GCN1: variants seen among roughly 807,000 people sequenced by gnomAD.
GCN1 encodes the protein GCN1 activator of EIF2AK4.
A neutral mutation model predicts 288.4 loss-of-function variants in GCN1; 90 were observed. The observed-to-expected ratio is 0.31, with a 90% CI of 0.26 to 0.37. The LOEUF (loss-of-function observed/expected upper bound fraction) is 0.37, where lower values mean the gene tolerates loss of function less well. Ranked by LOEUF, GCN1 falls within the 10% of genes least tolerant of loss-of-function variation. The pLI is 1.00. For synonymous variants in GCN1, 1,386 were observed against 1,420.2 expected (o/e 0.98, Z 0.54); for missense variants, 2,586 against 3,419.9 (o/e 0.76, Z 6.08).
rs1877167823 is a variant in GCN1 at position 120,140,867 on chromosome 12, G to A, written c.5986C>T (p.Arg1996Trp). Residue 1996 changes from arginine (R) to tryptophan (W), a missense_variant, in exon 45 of 58, where the codon CGG (arginine) becomes TGG (tryptophan). Arg to Trp is a moderately radical substitution (Grantham distance 101, BLOSUM62 -3). This residue lies in a region of GCN1 where 437 missense variants were observed against 570.5 expected (regional missense o/e 0.77). Transcript: ENST00000300648. ...GLSEIMKSTS[R>W]DAVLYFSESL... ...CCTTGGAAGATACTCACGGCATCCC[G>A]GCTGGTGGACTTCATGATCTCACTT... is the stretch of plus-strand genomic sequence containing the variant. The A allele has an allele frequency of 1.9e-6, 3 of 1,613,452 alleles. No individual in the cohort carries two copies. Among genetic ancestry groups the A allele is most frequent in the Non-Finnish European group, 2.5e-6 (3 of 1,179,730 alleles).
Position 120,193,820 on chromosome 12 carries a change from T to A in GCN1, c.18+860A>T, listed in dbSNP as rs544702197. On this transcript the variant is annotated intron_variant, in intron 1 of 57. Coordinates refer to ENST00000300648, the MANE Select transcript of GCN1 (RefSeq NM_006836.2). ...CCACCTGCATAGGAGTCTCAGTAAA[T>A]GTCTTTTTGAATGCTTAAGTGGTCA... Among the ~76,000 whole-genome samples, 7 of 152,296 alleles carry A rather than the reference T, an allele frequency of 4.6e-5. No individual in the cohort carries two copies. The South Asian group carries it at 1.5e-3, about 32-fold the overall frequency.
Position 120,127,805 on chromosome 12 carries a change from G to C in GCN1, c.*44C>G, listed in dbSNP as rs746965703. The C allele has an allele frequency of 5.6e-6, 9 of 1,594,182 alleles. No homozygotes were observed. In the Admixed American group the frequency reaches 1.2e-4, roughly 22 times the overall value. Reference sequence around the variant, plus strand: ...ATGTATTTTCAAAAATGAAAACATTGAGCAAAGATGTGGAGCGGCAATGCT... The same window carrying C: ...ATGTATTTTCAAAAATGAAAACATTCAGCAAAGATGTGGAGCGGCAATGCT... On this transcript the variant is annotated 3_prime_UTR_variant, in exon 58 of 58. Coordinates refer to ENST00000300648, the MANE Select transcript of GCN1 (RefSeq NM_006836.2).
At chr12:120,173,258 T>C (rs1026953409) in intron 14 of GCN1, among the ~76,000 whole-genome samples, 3 of 151,652 alleles carry the variant, frequency 2.0e-5, no homozygotes, top group African/African-American at 4.8e-5. Context: ...GGTTTCGCCA[T>C]GTTGGTCTTG....
At chr12:120,149,752 T>C in intron 35 of GCN1, 32 bp from the exon 36 acceptor site, 1 of 1,581,058 alleles carries the variant, frequency 6.3e-7, no homozygotes, top group Non-Finnish European at 8.7e-7. Context: ...TTCAGGGGCC[T>C]CCTCACCCAA....
At chr12:120,145,918 A>G (rs1315250684) in intron 38 of GCN1, among the ~76,000 whole-genome samples, 1 of 152,210 alleles carries the variant, frequency 6.6e-6, no homozygotes. Flanking sequence ...ACTTGTTATA[A>G]CTTGGGAATA....
At chr12:120,168,093 C>T in intron 16 of GCN1, 115 bp downstream of exon 16, 1 of 732,908 alleles carries the variant, frequency 1.4e-6, no homozygotes, top group Non-Finnish European at 2.5e-6. Flanking sequence ...GGCCAGATCA[C>T]TCTGGCCCAG....
chr12:120,189,511 C>T (rs1268883097), intron 2 of GCN1, among the ~76,000 whole-genome samples: 2 of 151,128 alleles, frequency 1.3e-5, no homozygotes, highest in East Asian at 2.0e-4. Flanking sequence ...TACAGGTGCA[C>T]ACCACCACAC....
intron 56 of GCN1, 110 bp from the exon 57 acceptor site, chr12:120,129,604 C>A (rs985660963): frequency 2.2e-5 from 17 of 776,104 alleles, no homozygotes; most frequent in Middle Eastern, 2.9e-4. Context: ...ACTGACCCCC[C>A]CTGCTCCTGT....
Position 120,168,239 on chromosome 12 carries a change from A to C in GCN1, c.1581T>G (p.Ser527=), listed in dbSNP as rs200012634. The stretch of plus-strand genomic sequence containing the variant: ...CTGAAGCCATGACCAGGAATTTCTC[A>C]GAAGTGAAAACCTGCTTTTTCTCAT... ...IVDEKKQVFT[S]EKFLVMASED... Residue 527 remains serine (S), a synonymous_variant, in exon 16 of 58, where the codon TCT becomes TCG. Coordinates refer to ENST00000300648, the MANE Select transcript of GCN1 (RefSeq NM_006836.2). 8.9e-4 allele frequency: 1,430 copies of C among 1,601,824 alleles called. 1 individual carries two copies. The highest frequency in any genetic ancestry group is 2.1e-3 in the Middle Eastern group (13 of 6,048).
In GCN1 at chr12:120,155,519, G is replaced by A. The variant is rs1376047169; in HGVS notation, c.3440+73C>T. 1 of 1,601,678 alleles carries A rather than the reference G, an allele frequency of 6.2e-7. No individual in the cohort carries two copies. The highest frequency in any genetic ancestry group is 1.1e-5 in the South Asian group (1 of 90,834). On this transcript the variant is annotated intron_variant, in intron 29 of 57. Coordinates refer to ENST00000300648, the MANE Select transcript of GCN1 (RefSeq NM_006836.2). The surrounding 1 kb of genome is among the most constrained non-coding windows in gnomAD (Gnocchi z 4.9). The stretch of plus-strand genomic sequence containing the variant: ...AGCCCTTCTTCCCACTGGAGGCTGA[G>A]CACACTGGGTTCAGTTATTTCCTAA...
chr12:120,164,238 A>G (rs1878027688), intron 18 of GCN1, 98 bp downstream of exon 18: 2 of 985,018 alleles, frequency 2.0e-6, no homozygotes, highest in Non-Finnish European at 3.1e-6. Context: ...AGATTAAGAA[A>G]GAACACCCAG....
Position 120,158,541 on chromosome 12 carries a change from C to G in GCN1, c.2824G>C (p.Glu942Gln). The G allele has an allele frequency of 6.3e-7, 1 of 1,599,338 alleles. No individual in the cohort carries two copies. Among genetic ancestry groups the G allele is most frequent in the Non-Finnish European group, 8.5e-7 (1 of 1,172,886 alleles). ...GCCCTCTTCACAGCCACCGACAGCT[C>G]TTCCTGGCACCAGGACTTATCCAGG... ...CVLDKSWCQE[E>Q]LSVAVKRAVM... is the part of the protein sequence containing the mutation. Residue 942 changes from glutamate (E) to glutamine (Q), a missense_variant, in exon 25 of 58, where the codon GAG becomes CAG. Physicochemically the swap from Glu to Gln is conservative, Grantham distance 29. Coordinates refer to ENST00000300648, the MANE Select transcript of GCN1 (RefSeq NM_006836.2). This position sits in a 1 kb window ranked among gnomAD's most constrained non-coding sequence, Gnocchi z 4.3.
chr12:120,141,061 C>A, intron 44 of GCN1, 38 bp from the exon 45 acceptor site: 2 of 1,579,214 alleles, frequency 1.3e-6, no homozygotes, highest in South Asian at 1.2e-5. Context: ...AAAGTCCCTG[C>A]AAAGCCCAGG....
At position 120,150,182 on chromosome 12, in the gene GCN1, C is replaced by T; in HGVS notation, c.4310-139G>A. 1.0e-5 allele frequency: 8 copies of T among 769,392 alleles called. No individual in the cohort carries two copies. The South Asian group carries it at 1.1e-4, about 10-fold the overall frequency. The allele number at this position is 769,392 out of a possible 1,614,324, so 47.7% of individuals were successfully genotyped here. ...GAAACAGCTGTGGAACTAGTAGATGCCCCATGAGGAGGCAGCACCCTCTGC... is the reference window on the plus strand; with the variant it reads ...GAAACAGCTGTGGAACTAGTAGATGTCCCATGAGGAGGCAGCACCCTCTGC... On this transcript the variant is annotated intron_variant, in intron 34 of 57. Transcript: ENST00000300648.
chr12:120,175,026 C>G (rs1391744048), intron 12 of GCN1, 136 bp downstream of exon 12: 7 of 685,290 alleles, frequency 1.0e-5, no homozygotes, highest in Non-Finnish European at 1.5e-5. Context: ...ACTAAGGAGG[C>G]TGAGGCATGA....
intron 56 of GCN1, among the ~76,000 whole-genome samples, chr12:120,130,442 A>G (rs762264124): frequency 5.9e-5 from 9 of 152,226 alleles, no homozygotes; most frequent in Non-Finnish European, 1.2e-4. Flanking sequence ...TGAGAATCTG[A>G]CAAAAAGTTA....
intron 16 of GCN1, among the ~76,000 whole-genome samples, chr12:120,165,584 C>CA (rs1251824366): frequency 9.2e-5 from 14 of 152,200 alleles, no homozygotes; most frequent in African/African-American, 3.4e-4. Context: ...TCTCCTGCCT[C>CA]AGCCTCCTGA....
chr12:120,168,343 T>C (rs1338193720), intron 15 of GCN1, 43 bp from the exon 16 acceptor site: 1 of 1,151,758 alleles, frequency 8.7e-7, no homozygotes, highest in Non-Finnish European at 1.3e-6. Context: ...GCTCACCACA[T>C]CCCCCAGAGC....
rs200758132 is a variant in GCN1, at chr12:120,136,737, C to T, written c.6778-5G>A. The T allele has an allele frequency of 1.9e-6, 3 of 1,606,404 alleles. No homozygotes were observed. The highest frequency in any genetic ancestry group is 2.6e-6 in the Non-Finnish European group (3 of 1,173,538). On this transcript the variant is annotated splice_polypyrimidine_tract_variant and splice_region_variant and intron_variant, in intron 50 of 57. Coordinates refer to ENST00000300648, the MANE Select transcript of GCN1 (RefSeq NM_006836.2). ...TGGAAGGATGGAGGTCACTCCCTGA[C>T]AAGAGAACCACAACTGAGAGTCAAA...
Sources: gnomAD v4.1 joint callset for allele counts (sites outside exome capture counted in the v4.1 genomes callset) on GRCh38, gnomAD v4.1.1 for gene constraint, gnomAD v4.1.1 regional missense constraint, Gnocchi (gnomAD v3.1) non-coding constraint, MANE v1.5 for transcripts, NCBI Gene and HGNC (gene_info 2026-07-23, HGNC 2026-07-21) for gene names.